ZFX: variants seen among roughly 807,000 people sequenced by gnomAD.
ZFX encodes the protein zinc finger X-chromosomal protein.
For missense variants in ZFX, 362 were observed against 628.3 expected, an observed-to-expected ratio of 0.58 and a Z score of 4.53; for synonymous variants, 196 against 226.8, an observed-to-expected ratio of 0.86 and a Z score of 1.22.
At chrX:24,171,943 GCAGA>G (rs961924843) in intron 3 of ZFX, among the ~76,000 whole-genome samples, 2 of 92,776 alleles carry the variant, frequency 2.2e-5, no homozygotes, top group Non-Finnish European at 4.4e-5. Flanking sequence ...AGAGAGAGAG[GCAGA>G]CAGACAGACA....
At chrX:24,181,151 A>G (rs1233861138) in intron 5 of ZFX, among the ~76,000 whole-genome samples, 2 of 112,696 alleles carry the variant, frequency 1.8e-5, no homozygotes, top group Non-Finnish European at 3.7e-5. Flanking sequence ...ATTTTAGGAA[A>G]CTTCTTTGAG....
At position 24,179,779 on chromosome X, in the gene ZFX, T is replaced by TG. The variant is rs1295801870; in HGVS notation, c.646+13dup. On this transcript the variant is annotated intron_variant, in intron 5 of 9. Coordinates refer to ENST00000304543, the MANE Select transcript of ZFX (RefSeq NM_003410.4). ...CTACCTTATGATTTCCTGTAAGTCT[T>TG]GGGGTACAGTGATTGTCAAAGGTGT... 1 of 1,183,237 alleles carries TG rather than the reference T, an allele frequency of 8.5e-7. No individual in the cohort carries two copies. The highest frequency in any genetic ancestry group is 1.1e-6 in the Non-Finnish European group (1 of 881,180).
chrX:24,206,530 TGTGTGTGTGTGTGTGTGTGTA>T (rs1937590599), intron 5 of ZFX, among the ~76,000 whole-genome samples: 1 of 97,699 alleles, frequency 1.0e-5, no homozygotes, highest in African/African-American at 4.0e-5. Flanking sequence ...TGTGTGTGTG[TGTGTGTGTGTGTGTGTGTGTA>T]TTTTTTTTTT....
intron 5 of ZFX, among the ~76,000 whole-genome samples, chrX:24,185,641 G>A (rs773894167): frequency 8.9e-6 from 1 of 111,911 alleles, no homozygotes; most frequent in South Asian, 3.7e-4. Context: ...AGTAGAGACA[G>A]GGTTTCGTCA....
rs1438177975 is a variant in ZFX at position 24,212,795 on chromosome X, A to G, written c.*1419A>G. On this transcript the variant is annotated 3_prime_UTR_variant, in exon 10 of 10. Coordinates refer to ENST00000304543, the MANE Select transcript of ZFX (RefSeq NM_003410.4). ...AAACTTAACACTCAAGTTGGCTTTG[A>G]TTAAAAGGTAAAGATGTGTTTTAAG... The G allele has an allele frequency of 8.8e-6, 1 of 113,043 alleles. No homozygotes were observed. Among genetic ancestry groups the G allele is most frequent in the Non-Finnish European group, 1.9e-5 (1 of 53,351 alleles). The allele number at this position is 113,043 out of a possible 1,213,427, so 9.3% of individuals were successfully genotyped here.
intron 1 of ZFX, chrX:24,150,412 C>T (rs1256978627): frequency 8.9e-6 from 1 of 112,341 alleles, no homozygotes; most frequent in African/African-American, 3.2e-5. Context: ...GGCGTGCTCG[C>T]TCCCCGTGGC....
intron 5 of ZFX, among the ~76,000 whole-genome samples, chrX:24,203,368 C>A (rs1165071435): frequency 2.7e-5 from 3 of 112,149 alleles, no homozygotes; most frequent in Non-Finnish European, 5.6e-5. Flanking sequence ...AAAACGGGCA[C>A]CTGACTTAGT....
At chrX:24,169,047 G>C (rs1191871101) in intron 3 of ZFX, among the ~76,000 whole-genome samples, 1 of 111,174 alleles carries the variant, frequency 9.0e-6, no homozygotes, top group Non-Finnish European at 1.9e-5. Flanking sequence ...TCTGTTCTGA[G>C]AACAGTTTCA....
At chrX:24,161,673 C>A (rs950292753) in intron 3 of ZFX, 6 of 94,829 alleles carry the variant, frequency 6.3e-5, no homozygotes, top group Non-Finnish European at 1.0e-4. Context: ...CTAACATATT[C>A]TTTTTTTTCT....
At chrX:24,202,133 C>T (rs187363605) in intron 5 of ZFX, among the ~76,000 whole-genome samples, 1 of 112,005 alleles carries the variant, frequency 8.9e-6, no homozygotes, top group East Asian at 2.8e-4. Flanking sequence ...AGAAGGATAG[C>T]ATGTTTCTCT....
At chrX:24,162,460 A>G (rs760465363) in intron 3 of ZFX, among the ~76,000 whole-genome samples, 9 of 112,135 alleles carry the variant, frequency 8.0e-5, no homozygotes, top group Non-Finnish European at 1.7e-4. Context: ...TATATCTTCT[A>G]TTTCATCATC....
At chrX:24,166,067 C>A (rs763340937) in intron 3 of ZFX, among the ~76,000 whole-genome samples, 1 of 112,451 alleles carries the variant, frequency 8.9e-6, no homozygotes, top group South Asian at 3.6e-4. Context: ...TTCCTCACAT[C>A]AAGCTAAGCC....
In ZFX at chrX:24,184,509, G is replaced by A. The variant is rs1363243717; in HGVS notation, c.646+4739G>A. ...GGAAGTCATTGAAAAAAACCCAGAA[G>A]TTGCTTTAGTAACAATTTACTCAGC... On this transcript the variant is annotated intron_variant, in intron 5 of 9. Transcript: ENST00000304543. Among the ~76,000 whole-genome samples the A allele has an allele frequency of 4.5e-5, 5 of 110,336 alleles. No homozygotes were observed. The Admixed American group carries it at 4.9e-4, about 11-fold the overall frequency.
chrX:24,185,894 A>G lies in ZFX; in HGVS notation c.646+6124A>G, dbSNP rs1258792258. 2.7e-5 allele frequency among the ~76,000 whole-genome samples: 3 copies of G among 109,947 alleles called. No homozygotes were observed. In the East Asian group the frequency reaches 8.6e-4, roughly 32 times the overall value. On this transcript the variant is annotated intron_variant, in intron 5 of 9. Transcript: ENST00000304543. The stretch of plus-strand genomic sequence containing the variant: ...GGTTACAGTGACCCTTGATTGCGCC[A>G]CTGTACTCCAGCCTGGGCGACAGAA...
intron 5 of ZFX, among the ~76,000 whole-genome samples, chrX:24,194,746 A>ATT (rs149390246): frequency 2.9e-5 from 3 of 102,264 alleles, no homozygotes; most frequent in Non-Finnish European, 4.0e-5. Flanking sequence ...ACAGTAAAAA[A>ATT]TTTTTTTTTT....
rs1172428679 is a variant in ZFX, at chrX:24,195,650, C to T, written c.647-11676C>T. 8.9e-5 allele frequency among the ~76,000 whole-genome samples: 10 copies of T among 111,990 alleles called. No homozygotes were observed. In the East Asian group the frequency reaches 2.5e-3, roughly 28 times the overall value. ...GATTATAGGCGTGAGCCACCATGCC[C>T]GGCGTGCCCGGCTAATTTTTGTAGT... On this transcript the variant is annotated intron_variant, in intron 5 of 9. Coordinates refer to ENST00000304543, the MANE Select transcript of ZFX (RefSeq NM_003410.4).
chrX:24,214,338 G>C lies in ZFX; in HGVS notation c.*2962G>C, dbSNP rs1043693929. ...TAAAAAGAAAATCATATAGGGATGT[G>C]TGACATTATTGTAATTGTGTACTTG... is the stretch of plus-strand genomic sequence containing the variant. On this transcript the variant is annotated 3_prime_UTR_variant, in exon 10 of 10. Transcript: ENST00000304543. 5 of 111,974 alleles carry C rather than the reference G, an allele frequency of 4.5e-5. No homozygotes were observed. The highest frequency in any genetic ancestry group is 1.6e-4 in the African/African-American group (5 of 30,707). The allele number at this position is 111,974 out of a possible 1,213,427, so 9.2% of individuals were successfully genotyped here. A position where few individuals can be genotyped will look rare whatever the true frequency, so the allele number is the denominator to read the frequency against.
At chrX:24,202,626 G>A (rs1382632711) in intron 5 of ZFX, among the ~76,000 whole-genome samples, 1 of 111,144 alleles carries the variant, frequency 9.0e-6, no homozygotes, top group Non-Finnish European at 1.9e-5. Context: ...CCCTTCTCTG[G>A]TTTATGAACT....
chrX:24,207,875 G>T lies in ZFX; in HGVS notation c.940+20G>T. On this transcript the variant is annotated intron_variant, in intron 7 of 9. Transcript: ENST00000304543. ...ATTTAAGTAAGTAGGTGGCCTTTTT[G>T]TGGGAGAAAATTTTATGTTTCTGGA... The T allele has an allele frequency of 3.3e-6, 4 of 1,205,122 alleles. No homozygotes were observed. The highest frequency in any genetic ancestry group is 2.2e-6 in the Non-Finnish European group (2 of 892,875).
Sources: allele counts gnomAD v4.1 joint callset (sites outside exome capture counted in the v4.1 genomes callset), GRCh38; gene constraint gnomAD v4.1.1; transcripts MANE v1.5; gene names NCBI Gene and HGNC (gene_info 2026-07-23, HGNC 2026-07-21).